The following DNAH14 variants were observed in gnomAD, a reference collection of about 807,000 sequenced individuals.
DNAH14 encodes the protein axonemal beta dynein heavy chain 14.
In DNAH14, 478 loss-of-function variants were observed where a neutral mutation model predicts 520.9. That is an observed-to-expected ratio of 0.92 (90% confidence interval 0.85 to 0.99). DNAH14 has a LOEUF of 0.99. DNAH14 is among the 50% of genes least tolerant of loss of function. The pLI, the probability that DNAH14 is intolerant of heterozygous loss-of-function variation, is 0.00. For missense variants in DNAH14, 4,831 were observed against 5,234.5 expected (o/e 0.92, Z 2.38); for synonymous variants, 1,581 against 1,757.2 (o/e 0.90, Z 2.51).
At chr1:225,053,974 C>T (rs2068793289) in intron 17 of DNAH14, among the ~76,000 whole-genome samples, 1 of 152,072 alleles carries the variant, frequency 6.6e-6, no homozygotes, top group African/African-American at 2.4e-5. Flanking sequence ...GCCTAAAGAA[C>T]CAGGAAATTA....
chr1:224,996,112 A>G (rs2063372224), intron 8 of DNAH14, among the ~76,000 whole-genome samples: 1 of 151,522 alleles, frequency 6.6e-6, no homozygotes, highest in Non-Finnish European at 1.5e-5. Context: ...TTGTAATCCC[A>G]TGTTCTTGTG....
intron 11 of DNAH14, among the ~76,000 whole-genome samples, chr1:225,038,435 T>A (rs1406727029): frequency 6.6e-6 from 1 of 152,094 alleles, no homozygotes; most frequent in Non-Finnish European, 1.5e-5. Flanking sequence ...CTGTTTTTTT[T>A]AATAGCCATC....
intron 44 of DNAH14, 58 bp downstream of exon 44, chr1:225,252,475 C>A: frequency 1.1e-6 from 1 of 937,276 alleles, no homozygotes; most frequent in Non-Finnish European, 1.6e-6. Context: ...ATACTCTATT[C>A]ATAAAAGTAA....
At chr1:225,351,617 C>T (rs2095367435) in intron 71 of DNAH14, 30 bp from the exon 72 acceptor site, 1 of 1,497,796 alleles carries the variant, frequency 6.7e-7, no homozygotes. Flanking sequence ...TTTATCTCTT[C>T]TAATGTGATC....
At chr1:225,017,685 T>A (rs1360253100) in intron 10 of DNAH14, among the ~76,000 whole-genome samples, 1 of 152,224 alleles carries the variant, frequency 6.6e-6, no homozygotes, top group Non-Finnish European at 1.5e-5. Flanking sequence ...TTGCCTGCAG[T>A]CTGGGAGCAC....
At chr1:225,052,465 G>A (rs1248292229) in intron 17 of DNAH14, among the ~76,000 whole-genome samples, 2 of 152,124 alleles carry the variant, frequency 1.3e-5, no homozygotes, top group Non-Finnish European at 2.9e-5. Flanking sequence ...TTAAGGGTAC[G>A]AACTTATAAT....
At chr1:225,321,404 C>T (rs1186776064) in intron 61 of DNAH14, among the ~76,000 whole-genome samples, 1 of 152,090 alleles carries the variant, frequency 6.6e-6, no homozygotes, top group Non-Finnish European at 1.5e-5. Context: ...CCAACCTGCA[C>T]ATGTACTCCT....
chr1:225,337,996 C>CT (rs34298762), intron 67 of DNAH14, 65 bp from the exon 68 acceptor site: 122,351 of 1,259,106 alleles, frequency 0.097, 3,202 homozygotes, highest in East Asian at 0.27. Flanking sequence ...TTTATTGCTG[C>CT]TTTTTTTTTT....
In DNAH14 at chr1:225,119,221, A is replaced by G; in HGVS notation, c.4093A>G (p.Lys1365Glu). 1 of 1,518,032 alleles carries G rather than the reference A, an allele frequency of 6.6e-7. No individual in the cohort carries two copies. The allele number at this position is 1,518,032 out of a possible 1,614,324, so 94.0% of individuals were successfully genotyped here. ...AEGEGLVLPK[K>E]IRVRSAVEQW... ...TATTATTTTTGAAACTAATTTTAGG[A>G]AAATTCGTGTAAGAAGTGCTGTAGA... Residue 1365 changes from lysine to glutamate, a missense_variant and splice_region_variant, in exon 26 of 86, where the codon AAA (lysine) becomes GAA (glutamate). By Grantham distance (56) the Lys-to-Glu change is moderately conservative (BLOSUM62 1). Coordinates refer to ENST00000682510, the MANE Select transcript of DNAH14 (RefSeq NM_001367479.1).
At chr1:225,152,977 A>G in intron 33 of DNAH14, 94 bp downstream of exon 33, 1 of 1,236,824 alleles carries the variant, frequency 8.1e-7, no homozygotes, top group Non-Finnish European at 1.1e-6. Context: ...ATGACCTGGG[A>G]CTGTACCAAA....
chr1:225,183,718 A>C (rs971868846), intron 36 of DNAH14, among the ~76,000 whole-genome samples: 7 of 152,008 alleles, frequency 4.6e-5, no homozygotes, highest in African/African-American at 1.7e-4. Context: ...AAGTAAGTAC[A>C]ATCAGAAACA....
At position 225,235,737 on chromosome 1, in the gene DNAH14, G is replaced by A. The variant is rs192120729; in HGVS notation, c.6518+4586G>A. 4.5e-3 allele frequency among the ~76,000 whole-genome samples: 685 copies of A among 152,150 alleles called. 4 individuals carry two copies. Among genetic ancestry groups the A allele is most frequent in the African/African-American group, 0.016 (653 of 41,526 alleles). On this transcript the variant is annotated intron_variant, in intron 42 of 85. Transcript: ENST00000682510. ...CAGAACTCATTATTGGCCTATTCAA[G>A]GATTTGATTTCTTCCTTGTTCAGTC...
At chr1:225,270,706 G>T (rs534344740) in intron 49 of DNAH14, 29 bp from the exon 50 acceptor site, 1 of 1,544,894 alleles carries the variant, frequency 6.5e-7, no homozygotes. Context: ...GATACATTCA[G>T]TTACTCTTCC....
intron 38 of DNAH14, 76 bp from the exon 39 acceptor site, chr1:225,204,107 A>G (rs994102488): frequency 1.4e-6 from 1 of 723,152 alleles, no homozygotes; most frequent in Non-Finnish European, 2.1e-6. Context: ...TCAAGAAAGC[A>G]TATTGACATA....
chr1:225,272,024 C>T lies in DNAH14; in HGVS notation c.7790C>T (p.Pro2597Leu), dbSNP rs191923388. The change falls in exon 51 of 86, where the codon CCA becomes CTA. Residue 2597 changes from proline (P) to leucine (L), a missense_variant. By Grantham distance (98) the Pro-to-Leu change is moderately conservative. Transcript: ENST00000682510. ...CATCAAGTACGTCAGAATATGTTACCAACTCCAACAAAATGTCACTACATG... is the reference window on the plus strand; with the variant it reads ...CATCAAGTACGTCAGAATATGTTACTAACTCCAACAAAATGTCACTACATG... ...IYHQVRQNML[P>L]TPTKCHYMFN... 5 of 1,550,600 alleles carry T rather than the reference C, an allele frequency of 3.2e-6. No homozygotes were observed. The East Asian group carries it at 7.4e-5, about 23-fold the overall frequency.
intron 37 of DNAH14, among the ~76,000 whole-genome samples, chr1:225,188,093 C>G (rs1392522764): frequency 1.3e-5 from 2 of 151,886 alleles, no homozygotes; most frequent in Non-Finnish European, 2.9e-5. Context: ...TTCTATATGT[C>G]TTTCCTTATA....
At position 225,374,693 on chromosome 1, in the gene DNAH14, C is replaced by T. The variant is rs1167265717; in HGVS notation, c.12324C>T (p.Ala4108=). The T allele has an allele frequency of 1.3e-6, 2 of 1,546,070 alleles. No homozygotes were observed. The highest frequency in any genetic ancestry group is 1.7e-6 in the Non-Finnish European group (2 of 1,143,502). The change falls in exon 78 of 86, where the codon GCC becomes GCT. Residue 4108 remains alanine, a synonymous_variant. Coordinates refer to ENST00000682510, the MANE Select transcript of DNAH14 (RefSeq NM_001367479.1). ...YKFNSSDLGV[A]IKVLENSLRG... The stretch of plus-strand genomic sequence containing the variant: ...GACTCATGGGTTTTCCAAAGGTTGC[C>T]ATTAAGGTGTTGGAAAATTCCCTGA...
intron 69 of DNAH14, among the ~76,000 whole-genome samples, chr1:225,344,507 G>A (rs185908186): frequency 1.4e-3 from 218 of 152,182 alleles, no homozygotes; most frequent in Middle Eastern, 3.4e-3. Flanking sequence ...GTGTTAGTTT[G>A]CTAAGGATAA....
intron 72 of DNAH14, among the ~76,000 whole-genome samples, chr1:225,352,650 A>G (rs2095381170): frequency 6.6e-6 from 1 of 152,012 alleles, no homozygotes; most frequent in South Asian, 2.1e-4. Context: ...CCATCTGTAA[A>G]GTTTAAACTC....
Sources: allele counts gnomAD v4.1 joint callset (sites outside exome capture counted in the v4.1 genomes callset), GRCh38; gene constraint gnomAD v4.1.1; transcripts MANE v1.5; gene names NCBI Gene and HGNC (gene_info 2026-07-23, HGNC 2026-07-21).